CRHR2: variants seen among roughly 807,000 people sequenced by gnomAD.
CRHR2 encodes corticotropin releasing hormone receptor 2.
In CRHR2, 53 loss-of-function variants were observed where a neutral mutation model predicts 57.9. That is an observed-to-expected ratio of 0.92 (90% CI 0.73 to 1.15). The LOEUF (loss-of-function observed/expected upper bound fraction) is 1.15, where lower values mean the gene tolerates loss of function less well. CRHR2 is among the 50% of genes most tolerant of loss of function. The pLI, the probability that CRHR2 is intolerant of heterozygous loss-of-function variation, is 0.00. For synonymous variants in CRHR2, 213 were observed against 220.9 expected, an observed-to-expected ratio of 0.96 and a Z score of 0.32; for missense variants, 532 against 542.6, an observed-to-expected ratio of 0.98 and a Z score of 0.19.
intron 1 of CRHR2, among the ~76,000 whole-genome samples, chr7:30,693,135 G>A (rs1784992496): frequency 6.6e-6 from 1 of 152,212 alleles, no homozygotes; most frequent in Non-Finnish European, 1.5e-5. Context: ...GCACAAGAGA[G>A]ATGAGGAATT....
At chr7:30,679,146 A>G (rs1273255743) in intron 2 of CRHR2, among the ~76,000 whole-genome samples, 1 of 152,158 alleles carries the variant, frequency 6.6e-6, no homozygotes, top group Admixed American at 6.5e-5. Flanking sequence ...TCCTGTGCCT[A>G]TTACACTCAC....
In CRHR2 at chr7:30,682,364, C is replaced by T; in HGVS notation, c.-84G>A. 1 of 1,416,796 alleles carries T rather than the reference C, an allele frequency of 7.1e-7. No individual in the cohort carries two copies. Among genetic ancestry groups the T allele is most frequent in the Non-Finnish European group, 9.2e-7 (1 of 1,087,644 alleles). 87.8% of individuals were successfully genotyped at this position (1,416,796 alleles called of 1,614,324 possible). A position where few individuals can be genotyped will look rare whatever the true frequency, so the allele number is the denominator to read the frequency against. On this transcript the variant is annotated 5_prime_UTR_variant, in exon 1 of 12. Coordinates refer to ENST00000471646, the MANE Select transcript of CRHR2 (RefSeq NM_001883.5). ...GGGAGTGGACGCGAGAGTGAGCGGC[C>T]GAGAGGGCGCGGGGTCCTGGCCCCC...
upstream of CRHR2, among the ~76,000 whole-genome samples, chr7:30,684,400 CT>C (rs555084993): frequency 1.4e-3 from 213 of 152,352 alleles, 2 homozygotes; most frequent in African/African-American, 4.7e-3. Context: ...TTGTTCATTA[CT>C]GCAGCCACCA....
At chr7:30,668,062 ATG>A (rs1246239953) in intron 2 of CRHR2, among the ~76,000 whole-genome samples, 7 of 152,208 alleles carry the variant, frequency 4.6e-5, no homozygotes, top group African/African-American at 7.2e-5. Context: ...CTACCACGAG[ATG>A]TTTCTAAATG....
chr7:30,665,580 G>T lies in CRHR2; in HGVS notation c.375C>A (p.Cys125Ter), dbSNP rs537160081. 13 of 1,564,662 alleles carry T rather than the reference G, an allele frequency of 8.3e-6. No homozygotes were observed. The South Asian group carries it at 1.4e-4, about 17-fold the overall frequency. Residue 125 changes from cysteine (C) to a stop codon, truncating the protein, a stop_gained, in exon 4 of 12, where the codon TGC (cysteine) becomes TGA (stop). Transcript: ENST00000471646. LOFTEE classifies it high-confidence loss of function. This position sits in a 1 kb window ranked among gnomAD's most constrained non-coding sequence, Gnocchi z 4.5. ...IALVVNYLGH[C>*]VSVAALVAAF... is the part of the protein sequence containing the mutation. ...CGGCCACCAGGGCTGCCACAGATACGCAGTGGCCCAGGTAGTTGACGACAA... is the reference window on the plus strand; with the variant it reads ...CGGCCACCAGGGCTGCCACAGATACTCAGTGGCCCAGGTAGTTGACGACAA...
intron 1 of CRHR2, chr7:30,689,354 CATCCT>C: frequency 1.6e-6 from 2 of 1,272,656 alleles, no homozygotes; most frequent in Non-Finnish European, 2.2e-6. Context: ...TGTCTGCCCC[CATCCT>C]ATCCTATCAC....
chr7:30,682,014 A>C lies in CRHR2; in HGVS notation c.130T>G (p.Leu44Val). 2 of 1,600,848 alleles carry C rather than the reference A, an allele frequency of 1.2e-6. No individual in the cohort carries two copies. Among genetic ancestry groups the C allele is most frequent in the Non-Finnish European group, 8.5e-7 (1 of 1,174,224 alleles). Residue 44 changes from leucine (L) to valine (V), a missense_variant, in exon 2 of 12, where the codon TTG becomes GTG. By Grantham distance (32) the Leu-to-Val change is conservative. Transcript: ENST00000471646. ...GGCCAGCACGTTCCGATCTGGTCCA[A>C]GGTCGTGTTGCAGTAGGAGTAGGGA... The part of the protein sequence containing the change: ...EGPYSYCNTT[L>V]DQIGTCWPRS...
intron 2 of CRHR2, among the ~76,000 whole-genome samples, chr7:30,676,240 TA>T (rs1784512596): frequency 2.0e-5 from 3 of 152,204 alleles, no homozygotes; most frequent in Admixed American, 1.3e-4. Context: ...ACTTCTGCTC[TA>T]TTTCTCTTCC....
Position 30,681,956 on chromosome 7 carries a change from G to A in CRHR2, c.188C>T (p.Pro63Leu). ...GACGCCGTTGAAGTACTCGGGGCAC[G>A]GCCTCTCCACGAGGGCTCCGGCAGC... ...RSAAGALVER[P>L]CPEYFNGVKY... The change falls in exon 2 of 12, where the codon CCG (proline) becomes CTG (leucine). Residue 63 changes from proline (P) to leucine (L), a missense_variant. Coordinates refer to ENST00000471646, the MANE Select transcript of CRHR2 (RefSeq NM_001883.5). The A allele has an allele frequency of 6.2e-7, 1 of 1,611,940 alleles. No individual in the cohort carries two copies. Among genetic ancestry groups the A allele is most frequent in the African/African-American group, 1.3e-5 (1 of 74,970 alleles).
At chr7:30,674,592 G>C (rs943483302) in intron 2 of CRHR2, among the ~76,000 whole-genome samples, 5 of 152,202 alleles carry the variant, frequency 3.3e-5, no homozygotes, top group Non-Finnish European at 5.9e-5. Context: ...TAGTTCCTAT[G>C]AAGTAATGCA....
At position 30,656,153 on chromosome 7, in the gene CRHR2, C is replaced by T. The variant is rs548906736; in HGVS notation, c.832-141G>A. On this transcript the variant is annotated intron_variant, in intron 8 of 11. Coordinates refer to ENST00000471646, the MANE Select transcript of CRHR2 (RefSeq NM_001883.5). The surrounding 1 kb of genome is among the most constrained non-coding windows in gnomAD (Gnocchi z 4.4). ...CCTATCCTACCTGTCCCCCTAGCAC[C>T]TGCCAGCATCCCAAGGCCTGTGCTC... 1 of 730,768 alleles carries T rather than the reference C, an allele frequency of 1.4e-6. No individual in the cohort carries two copies. Among genetic ancestry groups the T allele is most frequent in the African/African-American group, 1.7e-5 (1 of 57,902 alleles). 45.3% of individuals were successfully genotyped at this position (730,768 alleles called of 1,614,324 possible).
In CRHR2 at chr7:30,665,232, C is replaced by A; in HGVS notation, c.426-45G>T. ...GGGGTCAGCCAGGTTCAGGGGTCAA[C>A]TGGGACTGGGTTCCCCCTGAGGCCA... On this transcript the variant is annotated intron_variant, in intron 4 of 11. Coordinates refer to ENST00000471646, the MANE Select transcript of CRHR2 (RefSeq NM_001883.5). This position sits in a 1 kb window ranked among gnomAD's most constrained non-coding sequence, Gnocchi z 4.5. 6.5e-7 allele frequency: 1 copy of A among 1,535,042 alleles called. No individual in the cohort carries two copies. Among genetic ancestry groups the A allele is most frequent in the South Asian group, 1.1e-5 (1 of 89,250 alleles).
At chr7:30,699,756 G>A (rs973414780) in intron 1 of CRHR2, 3 of 499,218 alleles carry the variant, frequency 6.0e-6, no homozygotes, top group Admixed American at 4.1e-5. Context: ...AAGGATCCCC[G>A]ATCCAGCCCA....
intron 1 of CRHR2, among the ~76,000 whole-genome samples, chr7:30,690,974 G>A (rs1037160528): frequency 3.0e-4 from 45 of 152,188 alleles, no homozygotes; most frequent in African/African-American, 1.1e-3. Context: ...GACAAACACT[G>A]GGGGCCATGG....
rs376062750 is a variant in CRHR2, at chr7:30,658,143, C to T, written c.832-2131G>A. ...CCCAGCCTCCCCCTTCACACCACCA[C>T]AGGTACCTTCCTCTCTCTCCAGGGA... On this transcript the variant is annotated intron_variant, in intron 8 of 11. Transcript: ENST00000471646. 1.7e-4 allele frequency among the ~76,000 whole-genome samples: 26 copies of T among 152,318 alleles called. No individual in the cohort carries two copies. In the East Asian group the frequency reaches 2.7e-3, roughly 16 times the overall value.
At chr7:30,690,837 C>G (rs1393100834) in intron 1 of CRHR2, among the ~76,000 whole-genome samples, 1 of 152,184 alleles carries the variant, frequency 6.6e-6, no homozygotes, top group African/African-American at 2.4e-5. Flanking sequence ...TTCTGCCAAA[C>G]TCCCACCCCA....
chr7:30,690,239 G>T (rs552269278), intron 1 of CRHR2, among the ~76,000 whole-genome samples: 1 of 152,314 alleles, frequency 6.6e-6, no homozygotes, highest in African/African-American at 2.4e-5. Context: ...TTTGAAGGGT[G>T]AGTAGGAGCT....
At chr7:30,658,126 C>G (rs1783860416) in intron 8 of CRHR2, among the ~76,000 whole-genome samples, 1 of 152,132 alleles carries the variant, frequency 6.6e-6, no homozygotes, top group South Asian at 2.1e-4. Context: ...TTCCCAGCCT[C>G]CCCCTTCACA....
At chr7:30,680,460 C>T (rs1243878636) in intron 2 of CRHR2, among the ~76,000 whole-genome samples, 1 of 152,214 alleles carries the variant, frequency 6.6e-6, no homozygotes, top group Non-Finnish European at 1.5e-5. Flanking sequence ...TGCTCCATCA[C>T]CCCACTTTAC....
Sources: allele counts gnomAD v4.1 joint callset (sites outside exome capture counted in the v4.1 genomes callset), GRCh38; gene constraint gnomAD v4.1.1; non-coding constraint Gnocchi (gnomAD v3.1); transcripts MANE v1.5; gene names NCBI Gene and HGNC (gene_info 2026-07-23, HGNC 2026-07-21).